NEK1: variants seen among roughly 807,000 people sequenced by gnomAD.
NEK1 encodes serine/threonine-protein kinase Nek1.
Under a neutral mutation model 182.1 loss-of-function variants are expected in NEK1, and 137 were observed. The observed-to-expected ratio is 0.75, with a 90% CI of 0.65 to 0.87. The LOEUF (loss-of-function observed/expected upper bound fraction) is 0.87, where lower values mean the gene tolerates loss of function less well. Ranked by LOEUF, NEK1 falls within the 40% of genes least tolerant of loss-of-function variation. The probability of loss-of-function intolerance (pLI) is 0.00; values close to 1 mark genes in which losing one functional copy is unlikely to be tolerated. For missense variants in NEK1, 1,391 were observed against 1,494.4 expected (o/e 0.93, Z 1.14); for synonymous variants, 513 against 492.2 (o/e 1.04, Z -0.56).
chr4:169,574,611 GAA>G (rs1235699069), intron 12 of NEK1, among the ~76,000 whole-genome samples: 24 of 69,128 alleles, frequency 3.5e-4, no homozygotes, highest in African/African-American at 9.6e-4. Flanking sequence ...CACCTCAAAA[GAA>G]AAAAAAAAAA....
rs1387602286 is a variant in NEK1 at position 169,570,593 on chromosome 4, G to A, written c.1020+6335C>T. Among the ~76,000 whole-genome samples the A allele has an allele frequency of 2.6e-5, 4 of 151,086 alleles. No homozygotes were observed. In the East Asian group the frequency reaches 6.0e-4, roughly 23 times the overall value. On this transcript the variant is annotated intron_variant, in intron 12 of 35. Coordinates refer to ENST00000507142, the MANE Select transcript of NEK1 (RefSeq NM_001199397.3). ...CCCGCCCGGCCAGCCGCCCCGTCCA[G>A]GAGGTGAGGGGTGCCTCTGCCCGGC...
At position 169,392,931 on chromosome 4, in the gene NEK1, C is replaced by T. The variant is rs1733646395; in HGVS notation, c.*1579G>A. 3 of 152,186 alleles carry T rather than the reference C, an allele frequency of 2.0e-5. No individual in the cohort carries two copies. The allele number at this position is 152,186 out of a possible 1,614,324, so 9.4% of individuals were successfully genotyped here. The stretch of plus-strand genomic sequence containing the variant: ...CTGGCATAATCTTTCCATAACAACA[C>T]TCCAGAGTCACACACTGCTAATCGA... On this transcript the variant is annotated 3_prime_UTR_variant, in exon 36 of 36. Coordinates refer to ENST00000507142, the MANE Select transcript of NEK1 (RefSeq NM_001199397.3).
intron 28 of NEK1, among the ~76,000 whole-genome samples, 194 bp from the exon 29 acceptor site, chr4:169,433,859 A>T (rs1046083441): frequency 6.6e-6 from 1 of 152,172 alleles, no homozygotes; most frequent in East Asian, 1.9e-4. Context: ...GAAACGACAG[A>T]CTACTTCTTT....
At chr4:169,473,437 AT>A (rs964592412) in intron 26 of NEK1, among the ~76,000 whole-genome samples, 1 of 152,074 alleles carries the variant, frequency 6.6e-6, no homozygotes, top group Non-Finnish European at 1.5e-5. Flanking sequence ...CATGTTCACT[AT>A]TTTGAGTGGT....
At chr4:169,562,001 T>TAAAAA in intron 13 of NEK1, 110 bp from the exon 14 acceptor site, 1 of 929,426 alleles carries the variant, frequency 1.1e-6, no homozygotes, top group Non-Finnish European at 1.5e-6. Context: ...GGTTTTTTTT[T>TAAAAA]TAAAAAAAAA....
intron 26 of NEK1, among the ~76,000 whole-genome samples, chr4:169,469,895 T>A (rs1579945967): frequency 6.6e-6 from 1 of 151,918 alleles, no homozygotes; most frequent in African/African-American, 2.4e-5. Context: ...TCTTTTTTGA[T>A]CTTTGTTGCT....
chr4:169,457,395 A>G (rs1743095317), intron 27 of NEK1, among the ~76,000 whole-genome samples: 1 of 151,784 alleles, frequency 6.6e-6, no homozygotes, highest in Non-Finnish European at 1.5e-5. Context: ...ATTGACTGAG[A>G]GGAAAGGCAA....
intron 18 of NEK1, among the ~76,000 whole-genome samples, chr4:169,547,334 AGAGATCT>A (rs1348640214): frequency 1.3e-5 from 2 of 152,222 alleles, no homozygotes; most frequent in Non-Finnish European, 1.5e-5. Context: ...GTTTCTGCAG[AGAGATCT>A]GCTGTTAGTC....
At chr4:169,540,947 CACATGAATAA>C (rs1268367435) in intron 18 of NEK1, among the ~76,000 whole-genome samples, 1 of 151,320 alleles carries the variant, frequency 6.6e-6, no homozygotes, top group East Asian at 1.9e-4. Flanking sequence ...TTATTGTAAA[CACATGAATAA>C]GCAACAAGAT....
Position 169,509,003 on chromosome 4 carries a change from A to G in NEK1, c.1666-151T>C, listed in dbSNP as rs114016854. ...TGATAACAAACCCTGGCGTTTTCCT[A>G]TGTCAACTTGAAATATATATTTAGT... On this transcript the variant is annotated intron_variant, in intron 19 of 35. Transcript: ENST00000507142. 0.01 allele frequency among the ~76,000 whole-genome samples: 1,566 copies of G among 152,272 alleles called. 28 individuals carry two copies. Among genetic ancestry groups the G allele is most frequent in the African/African-American group, 0.036 (1,483 of 41,564 alleles).
At chr4:169,521,884 T>TGGA (rs1756123830) in intron 19 of NEK1, among the ~76,000 whole-genome samples, 1 of 152,210 alleles carries the variant, frequency 6.6e-6, no homozygotes, top group East Asian at 1.9e-4. Flanking sequence ...TTTCTTAGTG[T>TGGA]GGATTCGAGT....
At chr4:169,466,861 TA>T (rs59037043) in intron 26 of NEK1, among the ~76,000 whole-genome samples, 112,791 of 151,224 alleles carry the variant, frequency 0.75, 42,193 homozygotes, top group East Asian at 0.96. Flanking sequence ...ATTTATAGCA[TA>T]AAAAAAAAAT....
chr4:169,568,893 C>T (rs1375892297), intron 12 of NEK1, among the ~76,000 whole-genome samples: 2 of 148,680 alleles, frequency 1.3e-5, no homozygotes, highest in Non-Finnish European at 1.5e-5. Context: ...GCCGAGATCA[C>T]GCCATTGCAC....
rs759974644 is a variant in NEK1 at position 169,507,738 on chromosome 4, G to A, written c.1888C>T (p.Arg630Cys). 1.3e-5 allele frequency: 21 copies of A among 1,611,938 alleles called. No homozygotes were observed. The highest frequency in any genetic ancestry group is 1.6e-4 in the Middle Eastern group (1 of 6,066). Reference sequence around the variant, plus strand: ...ACCTTCAGTGATTCGATTTTTTTGCGCCTCATGTCAGCCTCTTCACTTCCT... The same window carrying A: ...ACCTTCAGTGATTCGATTTTTTTGCACCTCATGTCAGCCTCTTCACTTCCT... ...QEGSEEADMR[R>C]KKIESLKAHA... The change falls in exon 22 of 36, where the codon CGC becomes TGC. Residue 630 changes from arginine to cysteine, a missense_variant. Coordinates refer to ENST00000507142, the MANE Select transcript of NEK1 (RefSeq NM_001199397.3).
chr4:169,573,557 G>A (rs1427878479), intron 12 of NEK1, among the ~76,000 whole-genome samples: 1 of 152,114 alleles, frequency 6.6e-6, no homozygotes, highest in Non-Finnish European at 1.5e-5. Flanking sequence ...TGGAAGAGAG[G>A]GCAAGAGAGC....
intron 31 of NEK1, among the ~76,000 whole-genome samples, chr4:169,411,903 C>T (rs934961602): frequency 1.3e-5 from 2 of 152,198 alleles, no homozygotes; most frequent in African/African-American, 2.4e-5. Flanking sequence ...GGAGTAACCT[C>T]TGAGGAATAC....
intron 4 of NEK1, among the ~76,000 whole-genome samples, chr4:169,599,635 C>T (rs1213719395): frequency 2.6e-5 from 4 of 152,108 alleles, no homozygotes; most frequent in Non-Finnish European, 5.9e-5. Context: ...TAATCACTTA[C>T]TTATTAAATA....
chr4:169,453,328 G>A (rs1203903362), intron 27 of NEK1, among the ~76,000 whole-genome samples: 1 of 152,046 alleles, frequency 6.6e-6, no homozygotes, highest in Non-Finnish European at 1.5e-5. Flanking sequence ...AGTTCATATG[G>A]AACCAAAAAA....
At chr4:169,570,441 G>C (rs1268366764) in intron 12 of NEK1, among the ~76,000 whole-genome samples, 2 of 151,374 alleles carry the variant, frequency 1.3e-5, no homozygotes, top group African/African-American at 4.9e-5. Context: ...CAGCCGCCCA[G>C]TCTGGGAGGG....
Sources: gnomAD v4.1 joint callset for allele counts (sites outside exome capture counted in the v4.1 genomes callset) on GRCh38, gnomAD v4.1.1 for gene constraint, MANE v1.5 for transcripts, NCBI Gene and HGNC (gene_info 2026-07-23, HGNC 2026-07-21) for gene names.